Variants in MAF observed in about 807,000 individuals in gnomAD.
MAF encodes the protein transcription factor Maf.
A neutral mutation model predicts 22.0 loss-of-function variants in MAF; 10 were observed. The observed-to-expected ratio is 0.45, with a 90% CI of 0.28 to 0.77. MAF has a LOEUF of 0.77. Among genes scored for constraint, MAF ranks in the 30% least tolerant of loss-of-function variants. The pLI is 0.12. For missense variants in MAF, 544 were observed against 548.4 expected, an observed-to-expected ratio of 0.99 and a Z score of 0.08; for synonymous variants, 337 against 255.8, an observed-to-expected ratio of 1.32 and a Z score of -3.03.
the MAF span, among the ~76,000 whole-genome samples, chr16:79,302,201 C>T: frequency 7.2e-5 from 11 of 152,358 alleles, no homozygotes; most frequent in East Asian, 1.4e-3. Context: ...TGGAATGACT[C>T]AGGACTCCAT....
the MAF span, among the ~76,000 whole-genome samples, chr16:79,570,391 C>G: frequency 6.6e-6 from 1 of 152,112 alleles, no homozygotes; most frequent in East Asian, 1.9e-4. Context: ...GCCATGTTCC[C>G]TCCTATCCTA....
chr16:79,559,407 A>G, the MAF span, among the ~76,000 whole-genome samples: 1 of 152,212 alleles, frequency 6.6e-6, no homozygotes, highest in East Asian at 1.9e-4. Context: ...GGTGAAAAAT[A>G]AACTGGGTCT....
chr16:79,443,240 G>A, the MAF span, among the ~76,000 whole-genome samples: 2 of 152,096 alleles, frequency 1.3e-5, no homozygotes, highest in South Asian at 4.1e-4. Context: ...TGTTAAACTG[G>A]GACATTTGGT....
chr16:79,402,731 C>A, the MAF span, among the ~76,000 whole-genome samples: 2 of 152,160 alleles, frequency 1.3e-5, no homozygotes. Flanking sequence ...GGCACCAGAC[C>A]AAGAGGGACA....
At chr16:79,207,115 C>T in the MAF span, among the ~76,000 whole-genome samples, 1 of 152,136 alleles carries the variant, frequency 6.6e-6, no homozygotes, top group African/African-American at 2.4e-5. Flanking sequence ...GTGTAGACGG[C>T]CATCTATTCC....
chr16:79,318,043 G>C, the MAF span, among the ~76,000 whole-genome samples: 1 of 152,206 alleles, frequency 6.6e-6, no homozygotes, highest in East Asian at 1.9e-4. Context: ...TAGCTGAGGA[G>C]TAAGGAGAAT....
At chr16:79,415,826 A>T in the MAF span, among the ~76,000 whole-genome samples, 1 of 151,798 alleles carries the variant, frequency 6.6e-6, no homozygotes, top group Admixed American at 6.6e-5. Context: ...CCTTATCTGT[A>T]AAACAATGGC....
At chr16:79,299,569 TGGG>T in the MAF span, among the ~76,000 whole-genome samples, 36 of 152,094 alleles carry the variant, frequency 2.4e-4, no homozygotes, top group East Asian at 5.8e-3. Flanking sequence ...TTATTTCCGG[TGGG>T]TCTGCCCCCA....
chr16:79,480,436 G>A, the MAF span, among the ~76,000 whole-genome samples: 1 of 152,058 alleles, frequency 6.6e-6, no homozygotes, highest in African/African-American at 2.4e-5. Flanking sequence ...GACAAGCAAG[G>A]GAAGAAGGGG....
At chr16:79,499,951 C>G in the MAF span, among the ~76,000 whole-genome samples, 1 of 152,102 alleles carries the variant, frequency 6.6e-6, no homozygotes, top group African/African-American at 2.4e-5. Flanking sequence ...GCAGTCATAT[C>G]TATTATTGTA....
chr16:79,407,130 C>T, the MAF span, among the ~76,000 whole-genome samples: 340 of 152,300 alleles, frequency 2.2e-3, 3 homozygotes, highest in African/African-American at 7.8e-3. Flanking sequence ...TCATATGGAA[C>T]ATTAAGCTGA....
the MAF span, among the ~76,000 whole-genome samples, chr16:79,303,583 T>C: frequency 1.3e-5 from 2 of 152,224 alleles, no homozygotes; most frequent in African/African-American, 4.8e-5. Context: ...CAAAGGCTGT[T>C]GGCCAAACCC....
At chr16:79,207,019 T>C in the MAF span, among the ~76,000 whole-genome samples, 1 of 152,180 alleles carries the variant, frequency 6.6e-6, no homozygotes, top group African/African-American at 2.4e-5. Flanking sequence ...CACCGAGGTA[T>C]CTGGAGATGA....
downstream of MAF, among the ~76,000 whole-genome samples, chr16:79,589,674 G>T (rs558826130): frequency 6.6e-5 from 10 of 152,250 alleles, no homozygotes; most frequent in South Asian, 1.9e-3. Flanking sequence ...CCCTCCAGGC[G>T]CCCGCCCACC....
chr16:79,575,895 A>T, the MAF span, among the ~76,000 whole-genome samples: 1 of 152,270 alleles, frequency 6.6e-6, no homozygotes, highest in East Asian at 1.9e-4. Context: ...GGCTCATTCC[A>T]TCACAAATGT....
At chr16:79,502,698 TATAAATATAA>T in the MAF span, among the ~76,000 whole-genome samples, 18 of 18,218 alleles carry the variant, frequency 9.9e-4, no homozygotes, top group African/African-American at 2.5e-3. Flanking sequence ...TAAATATAAA[TATAAATATAA>T]ATATATATAT....
the MAF span, among the ~76,000 whole-genome samples, chr16:79,340,599 C>T: frequency 1.3e-5 from 2 of 151,800 alleles, no homozygotes; most frequent in Non-Finnish European, 1.5e-5. Context: ...TGTGGTGGGA[C>T]ATTTAGGAGC....
chr16:79,543,689 T>G, the MAF span, among the ~76,000 whole-genome samples: 990 of 146,612 alleles, frequency 6.8e-3, 17 homozygotes, highest in African/African-American at 0.024. Context: ...TTTTTTTTTT[T>G]CTTTTTTTTT....
the MAF span, among the ~76,000 whole-genome samples, chr16:79,308,787 C>A: frequency 2.0e-5 from 3 of 152,124 alleles, no homozygotes; most frequent in Non-Finnish European, 4.4e-5. Context: ...TGGAAAGTGG[C>A]AGATCTAGGC....
Sources: allele counts gnomAD v4.1 joint callset (sites outside exome capture counted in the v4.1 genomes callset), GRCh38; gene constraint gnomAD v4.1.1; transcripts MANE v1.5; gene names NCBI Gene and HGNC (gene_info 2026-07-23, HGNC 2026-07-21).